INTS1: variants seen among roughly 807,000 people sequenced by gnomAD.
The protein encoded by INTS1 is integrator complex subunit 1.
A neutral mutation model predicts 241.6 loss-of-function variants in INTS1; 137 were observed. The observed-to-expected ratio is 0.57, with a 90% CI of 0.49 to 0.65. The LOEUF (loss-of-function observed/expected upper bound fraction) is 0.65. Ranked by LOEUF, INTS1 falls within the 30% of genes least tolerant of loss-of-function variation. The pLI, the probability that INTS1 is intolerant of heterozygous loss-of-function variation, is 0.00. For missense variants in INTS1, 3,073 were observed against 3,032.2 expected, an observed-to-expected ratio of 1.01 and a Z score of -0.32; for synonymous variants, 1,692 against 1,337.8, an observed-to-expected ratio of 1.26 and a Z score of -5.78.
rs201926456 is a variant in INTS1, at chr7:1,484,062, A to T, written c.3370T>A (p.Phe1124Ile). Reference sequence around the variant, plus strand: ...CGCATGCGCCTCACGTAGCGTGAGAAGATGGACAACAGAGCGCTCAGCACG... The same window carrying T: ...CGCATGCGCCTCACGTAGCGTGAGATGATGGACAACAGAGCGCTCAGCACG... ...DAVLSALLSI[F>I]SRYVRRMRQS... Residue 1124 changes from phenylalanine (F) to isoleucine (I), a missense_variant, in exon 25 of 48, where the codon TTC (phenylalanine) becomes ATC (isoleucine). Phe to Ile is a conservative substitution (Grantham distance 21). Coordinates refer to ENST00000404767, the MANE Select transcript of INTS1 (RefSeq NM_001080453.3). The T allele has an allele frequency of 3.1e-4, 499 of 1,612,432 alleles. No individual in the cohort carries two copies. The highest frequency in any genetic ancestry group is 3.5e-4 in the Non-Finnish European group (409 of 1,179,732).
intron 3 of INTS1, among the ~76,000 whole-genome samples, chr7:1,501,973 T>A (rs1783202725): frequency 6.6e-6 from 1 of 152,020 alleles, no homozygotes; most frequent in Non-Finnish European, 1.5e-5. Context: ...CCCAAGCCCA[T>A]ACTGCAACTC....
rs777788844 is a variant in INTS1, at chr7:1,471,612, C to T, written c.6214G>A (p.Glu2072Lys). Residue 2072 changes from glutamate (E) to lysine (K), a missense_variant, in exon 45 of 48, where the codon GAG becomes AAG. Glu to Lys is a moderately conservative substitution (Grantham distance 56, BLOSUM62 1). Coordinates refer to ENST00000404767, the MANE Select transcript of INTS1 (RefSeq NM_001080453.3). ...ATCTCGGGTCTCCGCCGGGACATCTCGTCTATGTCACTCAGAACCTCCAGC... is the reference window on the plus strand; with the variant it reads ...ATCTCGGGTCTCCGCCGGGACATCTTGTCTATGTCACTCAGAACCTCCAGC... ...DLLEVLSDID[E>K]MSRRRPEILS... 26 of 1,612,314 alleles carry T rather than the reference C, an allele frequency of 1.6e-5. No homozygotes were observed. Among genetic ancestry groups the T allele is most frequent in the Non-Finnish European group, 1.9e-5 (23 of 1,179,814 alleles).
At chr7:1,503,514 T>C (rs747414883) in intron 2 of INTS1, among the ~76,000 whole-genome samples, 1 of 151,932 alleles carries the variant, frequency 6.6e-6, no homozygotes, top group Non-Finnish European at 1.5e-5. Flanking sequence ...CACAGAGAGG[T>C]TAAGCGACGT....
chr7:1,498,684 C>T (rs1287209230), intron 9 of INTS1, 23 bp downstream of exon 9: 2 of 1,547,670 alleles, frequency 1.3e-6, no homozygotes, highest in Non-Finnish European at 1.7e-6. Context: ...CGCACCCCCG[C>T]TCTGCCCCGG....
chr7:1,479,634 G>A lies in INTS1; in HGVS notation c.4125C>T (p.Pro1375=), dbSNP rs953090460. The A allele has an allele frequency of 1.1e-5, 16 of 1,517,458 alleles. No individual in the cohort carries two copies. Among genetic ancestry groups the A allele is most frequent in the Middle Eastern group, 1.8e-4 (1 of 5,604 alleles). 94.0% of individuals were successfully genotyped at this position (1,517,458 alleles called of 1,614,324 possible). Residue 1375 remains proline, a synonymous_variant, in exon 31 of 48, where the codon CCC becomes CCT. Coordinates refer to ENST00000404767, the MANE Select transcript of INTS1 (RefSeq NM_001080453.3). The stretch of plus-strand genomic sequence containing the variant: ...GGGCCTGCTGCAGGGCGAGGGCCAC[G>A]GGGCGGGGACTGGAGCTCTGCCACC... The part of the protein sequence containing the change: ...DPRWQSSSPR[P]VALALQQALG...
intron 46 of INTS1, 37 bp downstream of exon 46, chr7:1,471,096 G>GCGGTGGCGGCGGGACAGAGGC: frequency 6.5e-7 from 1 of 1,540,200 alleles, no homozygotes; most frequent in Non-Finnish European, 8.8e-7. Context: ...GCAGGGCCCA[G>GCGGTGGCGGCGGGACAGAGGC]CGGTGGCGGC....
At chr7:1,486,597 G>A (rs944769498) in intron 22 of INTS1, 28 bp downstream of exon 22, 21 of 1,604,708 alleles carry the variant, frequency 1.3e-5, no homozygotes, top group Non-Finnish European at 1.6e-5. Flanking sequence ...TGAAGAGCGT[G>A]CGCAGAAAGA....
rs767566063 is a variant in INTS1 at position 1,499,914 on chromosome 7, C to A, written c.654G>T (p.Glu218Asp). Residue 218 changes from glutamate to aspartate, a missense_variant, in exon 5 of 48, where the codon GAG becomes GAT. By Grantham distance (45) the Glu-to-Asp change is conservative. Coordinates refer to ENST00000404767, the MANE Select transcript of INTS1 (RefSeq NM_001080453.3). ...ACNLLMAAYEEDENWPEIFVK... is the reference protein window; with the variant it reads ...ACNLLMAAYEDDENWPEIFVK... ...CAAAGATCTCGGGCCAGTTCTCGTC[C>A]TCCTCGTAGGCGGCCATGAGGAGGT... 4.3e-6 allele frequency: 7 copies of A among 1,613,470 alleles called. No homozygotes were observed. The Admixed American group carries it at 6.7e-5, about 15-fold the overall frequency.
At chr7:1,486,823 G>C in intron 21 of INTS1, 49 bp from the exon 22 acceptor site, 1 of 1,588,030 alleles carries the variant, frequency 6.3e-7, no homozygotes, top group Non-Finnish European at 8.6e-7. Context: ...GGCCAGGCGG[G>C]TAGGACGTGG....
Position 1,477,927 on chromosome 7 carries a change from C to G in INTS1, c.4640G>C (p.Gly1547Ala). ...EPDLISKVLQ[G>A]LIEVRSPHLE... is the part of the protein sequence containing the mutation. ...GTGGGGGGACCTCACCTCGATCAGC[C>G]CCTGGAGGACTGCGCAAGGGACAAA... The change falls in exon 34 of 48, where the codon GGG becomes GCG. Residue 1547 changes from glycine (G) to alanine (A), a missense_variant. By Grantham distance (60) the Gly-to-Ala change is moderately conservative. Transcript: ENST00000404767. 1 of 1,612,508 alleles carries G rather than the reference C, an allele frequency of 6.2e-7. No homozygotes were observed. The highest frequency in any genetic ancestry group is 8.5e-7 in the Non-Finnish European group (1 of 1,179,776).
chr7:1,478,114 C>CCGGAG (rs1168043803), intron 33 of INTS1, among the ~76,000 whole-genome samples, 178 bp from the exon 34 acceptor site: 10 of 147,870 alleles, frequency 6.8e-5, no homozygotes, highest in African/African-American at 2.4e-4. Flanking sequence ...GCGGCCGGGG[C>CCGGAG]TGGAGAGTGC....
intron 16 of INTS1, among the ~76,000 whole-genome samples, chr7:1,490,892 G>C (rs1782516504): frequency 1.3e-5 from 2 of 152,224 alleles, no homozygotes. Context: ...GCTGAGTCGA[G>C]AGGTCAACCC....
intron 29 of INTS1, 58 bp downstream of exon 29, chr7:1,480,777 G>A (rs772565887): frequency 1.2e-5 from 17 of 1,375,856 alleles, no homozygotes; most frequent in Non-Finnish European, 1.6e-5. Flanking sequence ...GGGTCTCTGT[G>A]TTGGCCCCAC....
chr7:1,503,982 C>G lies in INTS1; in HGVS notation c.-22G>C. 1.9e-6 allele frequency: 3 copies of G among 1,539,296 alleles called. No homozygotes were observed. The highest frequency in any genetic ancestry group is 1.4e-5 in the African/African-American group (1 of 72,028). Reference sequence around the variant, plus strand: ...TCATCCTGCCCCGTCCCTCGCGGCTCCCGGCGGCTGCGGCGTCACCTGCGG... The same window carrying G: ...TCATCCTGCCCCGTCCCTCGCGGCTGCCGGCGGCTGCGGCGTCACCTGCGG... On this transcript the variant is annotated 5_prime_UTR_variant, in exon 2 of 48. Transcript: ENST00000404767.
Position 1,481,079 on chromosome 7 carries a change from ACT to A in INTS1, c.3851-148_3851-147del. ...CAGAAGCTGGGTGAGCTCAGTCAGC[ACT>A]GAGGCCCCAACAGCTCCCTCCAAGC... On this transcript the variant is annotated intron_variant, in intron 28 of 47. Coordinates refer to ENST00000404767, the MANE Select transcript of INTS1 (RefSeq NM_001080453.3). This position sits in a 1 kb window ranked among gnomAD's most constrained non-coding sequence, Gnocchi z 6.8. 1 of 704,026 alleles carries A rather than the reference ACT, an allele frequency of 1.4e-6. No homozygotes were observed. The highest frequency in any genetic ancestry group is 2.5e-6 in the Non-Finnish European group (1 of 405,090). The allele number at this position is 704,026 out of a possible 1,614,324, so 43.6% of individuals were successfully genotyped here.
chr7:1,503,061 G>T lies in INTS1; in HGVS notation c.189C>A (p.Ala63=). 1.2e-6 allele frequency: 2 copies of T among 1,612,642 alleles called. No homozygotes were observed. Among genetic ancestry groups the T allele is most frequent in the Admixed American group, 1.7e-5 (1 of 59,978 alleles). ...TGAGGGCCGAGGCACTGGACAACGC[G>T]GCCGCCGCATCCCGCTTGCGCTCAG... ...LPSERKRDAA[A]ALSSASALTG... The change falls in exon 3 of 48, where the codon GCC becomes GCA. Residue 63 remains alanine (A), a synonymous_variant. Transcript: ENST00000404767.
intron 10 of INTS1, 154 bp downstream of exon 10, chr7:1,498,258 G>C: frequency 4.2e-6 from 5 of 1,177,822 alleles, no homozygotes; most frequent in Non-Finnish European, 4.7e-6. Context: ...TCAACCTCAT[G>C]CCCACGTGAG....
chr7:1,487,729 G>C (rs1459209173), intron 19 of INTS1, 31 bp downstream of exon 19: 2 of 1,601,780 alleles, frequency 1.2e-6, no homozygotes. Context: ...CCCGACGGCA[G>C]GCGCAGGGCG....
At chr7:1,489,242 G>T in intron 18 of INTS1, 102 bp downstream of exon 18, 1 of 242,012 alleles carries the variant, frequency 4.1e-6, no homozygotes, top group Non-Finnish European at 4.9e-6. Flanking sequence ...CTAAGATGCT[G>T]ATGCAGCACG....
Sources: allele counts gnomAD v4.1 joint callset (sites outside exome capture counted in the v4.1 genomes callset), GRCh38; gene constraint gnomAD v4.1.1; non-coding constraint Gnocchi (gnomAD v3.1); transcripts MANE v1.5; gene names NCBI Gene and HGNC (gene_info 2026-07-23, HGNC 2026-07-21).